TRPM3: variants seen among roughly 807,000 people sequenced by gnomAD.
The protein encoded by TRPM3 is long transient receptor potential channel 3.
A neutral mutation model predicts 181.2 loss-of-function variants in TRPM3; 77 were observed. The ratio of observed to expected loss-of-function variants is 0.42; its 90% CI spans 0.35 to 0.51. TRPM3 has a LOEUF of 0.51. Among genes scored for constraint, TRPM3 ranks in the 20% least tolerant of loss-of-function variants. TRPM3 has a pLI of 0.01. For missense variants in TRPM3, 1,759 were observed against 2,196.7 expected, an observed-to-expected ratio of 0.80 and a Z score of 3.98; for synonymous variants, 745 against 796.4, an observed-to-expected ratio of 0.94 and a Z score of 1.09.
intron 1 of TRPM3, among the ~76,000 whole-genome samples, chr9:71,381,788 G>T (rs1189058538): frequency 6.6e-6 from 1 of 152,070 alleles, no homozygotes; most frequent in Non-Finnish European, 1.5e-5. Flanking sequence ...TAATATTAGG[G>T]ATGGCTTCAG....
intron 9 of TRPM3, among the ~76,000 whole-genome samples, chr9:70,644,438 G>T (rs2058507598): frequency 6.6e-6 from 1 of 151,990 alleles, no homozygotes. Flanking sequence ...GGAGTCATTG[G>T]ACAACCAACG....
At chr9:70,638,700 T>C (rs1244198787) in intron 11 of TRPM3, among the ~76,000 whole-genome samples, 4 of 152,240 alleles carry the variant, frequency 2.6e-5, no homozygotes, top group African/African-American at 9.6e-5. Flanking sequence ...ATCAGCCTTT[T>C]GTGATGCTTA....
At chr9:70,568,391 A>T (rs2051228452) in intron 22 of TRPM3, among the ~76,000 whole-genome samples, 1 of 152,238 alleles carries the variant, frequency 6.6e-6, no homozygotes, top group Admixed American at 6.5e-5. Context: ...TCTGATTGTT[A>T]CAACAAACAT....
intron 1 of TRPM3, among the ~76,000 whole-genome samples, chr9:71,426,902 C>CT (rs769712353): frequency 4.4e-4 from 67 of 151,892 alleles, no homozygotes; most frequent in Admixed American, 2.2e-3. Flanking sequence ...TGCTTATCTC[C>CT]TTTTTATGTC....
At chr9:70,945,207 T>A in intron 1 of TRPM3, among the ~76,000 whole-genome samples, 1 of 152,196 alleles carries the variant, frequency 6.6e-6, no homozygotes, top group East Asian at 1.9e-4. Context: ...ATAGAGCTCA[T>A]GCCCCTGCCC....
intron 1 of TRPM3, among the ~76,000 whole-genome samples, chr9:71,230,190 C>T (rs776582872): frequency 6.6e-6 from 1 of 152,024 alleles, no homozygotes; most frequent in Non-Finnish European, 1.5e-5. Context: ...AATGTCATTA[C>T]GTTAAGTGAA....
At chr9:70,959,477 C>A (rs897106302) in intron 1 of TRPM3, among the ~76,000 whole-genome samples, 1 of 151,202 alleles carries the variant, frequency 6.6e-6, no homozygotes, top group Non-Finnish European at 1.5e-5. Flanking sequence ...GGAAAAAGCA[C>A]CAAAAAAGAA....
At chr9:70,653,206 A>G (rs2059816233) in intron 9 of TRPM3, among the ~76,000 whole-genome samples, 1 of 152,186 alleles carries the variant, frequency 6.6e-6, no homozygotes, top group South Asian at 2.1e-4. Flanking sequence ...AGAAACTAAT[A>G]TTCATGAATG....
Position 70,537,204 on chromosome 9 carries a change from G to A in TRPM3, c.3909C>T (p.Asp1303=), listed in dbSNP as rs776390323. ...IRSRTSSDCT[D]AAYIVRQSSF... is the part of the protein sequence containing the mutation. Reference sequence around the variant, plus strand: ...TGCTCTGACGGACAATGTAGGCGGCGTCCGTGCAGTCTGACGAGGTCCTCG... The same window carrying A: ...TGCTCTGACGGACAATGTAGGCGGCATCCGTGCAGTCTGACGAGGTCCTCG... Residue 1303 remains aspartate, a synonymous_variant, in exon 26 of 26, where the codon GAC becomes GAT. Transcript: ENST00000677713. The A allele has an allele frequency of 6.9e-6, 11 of 1,594,878 alleles. No homozygotes were observed. Among genetic ancestry groups the A allele is most frequent in the African/African-American group, 2.7e-5 (2 of 74,444 alleles).
chr9:70,599,124 C>T (rs938048812), intron 20 of TRPM3, among the ~76,000 whole-genome samples: 4 of 152,206 alleles, frequency 2.6e-5, no homozygotes, highest in Admixed American at 1.3e-4. Flanking sequence ...AACTACTTCT[C>T]ACCACCTCCA....
At chr9:70,554,498 G>T (rs1027561467) in intron 22 of TRPM3, among the ~76,000 whole-genome samples, 2 of 152,272 alleles carry the variant, frequency 1.3e-5, no homozygotes, top group South Asian at 4.2e-4. Context: ...TCCGTTGCTA[G>T]GCTGCACATT....
intron 1 of TRPM3, among the ~76,000 whole-genome samples, chr9:70,875,835 A>C (rs2095860157): frequency 6.6e-6 from 1 of 151,958 alleles, no homozygotes; most frequent in South Asian, 2.1e-4. Context: ...AAGCAGACAG[A>C]TCCAGCAATA....
At chr9:71,366,454 T>C (rs2092337953) in intron 1 of TRPM3, among the ~76,000 whole-genome samples, 1 of 152,012 alleles carries the variant, frequency 6.6e-6, no homozygotes, top group African/African-American at 2.4e-5. Context: ...ATAGCCTAAG[T>C]ACCAAGAGAG....
chr9:71,421,019 A>AAGAGAGAGAAAAAG (rs1228367806), intron 1 of TRPM3, among the ~76,000 whole-genome samples: 1 of 149,840 alleles, frequency 6.7e-6, no homozygotes, highest in Non-Finnish European at 1.5e-5. Context: ...AAGAGAGAAA[A>AAGAGAGAGAAAAAG]AGAGAGAAAA....
rs893310472 is a variant in TRPM3 at position 71,017,807 on chromosome 9, CAT to C, written c.177+103369_177+103370del. Among the ~76,000 whole-genome samples, 13 of 151,690 alleles carry C rather than the reference CAT, an allele frequency of 8.6e-5. 1 individual carries two copies. Among genetic ancestry groups the C allele is most frequent in the Admixed American group, 6.6e-5 (1 of 15,248 alleles). Reference sequence around the variant, plus strand: ...TACGCAGGAAAAATGTCACAAAAAACATAAAAAATAAGCAACAGATTTGACCT... The same window carrying C: ...TACGCAGGAAAAATGTCACAAAAAACAAAAAATAAGCAACAGATTTGACCT... On this transcript the variant is annotated intron_variant, in intron 1 of 25. Transcript: ENST00000677713.
At chr9:71,370,579 A>T (rs2092477415) in intron 1 of TRPM3, among the ~76,000 whole-genome samples, 1 of 152,344 alleles carries the variant, frequency 6.6e-6, no homozygotes, top group African/African-American at 2.4e-5. Context: ...GGTTAGGGAG[A>T]TGCAGAAGAA....
chr9:71,348,379 T>C (rs1207649091), intron 1 of TRPM3, among the ~76,000 whole-genome samples: 1 of 151,740 alleles, frequency 6.6e-6, no homozygotes, highest in African/African-American at 2.4e-5. Context: ...TAGTTGTTGC[T>C]GTGCTAAGTC....
At position 71,316,103 on chromosome 9, in the gene TRPM3, A is replaced by T. The variant is rs192649030; in HGVS notation, c.183+130550T>A. Among the ~76,000 whole-genome samples the T allele has an allele frequency of 8.4e-4, 128 of 152,334 alleles. 1 individual carries two copies. The highest frequency in any genetic ancestry group is 1.6e-3 in the Non-Finnish European group (109 of 68,024). ...TGCTACCCAGATTGGGAAACAGATGACAGGACAGGCCTAATAGTGTCATTA... is the reference window on the plus strand; with the variant it reads ...TGCTACCCAGATTGGGAAACAGATGTCAGGACAGGCCTAATAGTGTCATTA... On this transcript the variant is annotated intron_variant, in intron 1 of 24. Transcript: ENST00000357533.
At chr9:71,446,849 C>G, upstream of TRPM3, 1 of 1,532,206 alleles carries the variant, frequency 6.5e-7, no homozygotes, top group Non-Finnish European at 8.8e-7. Context: ...AAGTTCGCCT[C>G]CCTCGGCCGG....
Sources: gnomAD v4.1 joint callset for allele counts (sites outside exome capture counted in the v4.1 genomes callset) on GRCh38, gnomAD v4.1.1 for gene constraint, MANE v1.5 for transcripts, NCBI Gene and HGNC (gene_info 2026-07-23, HGNC 2026-07-21) for gene names.